PCDHGB2: variants seen among roughly 807,000 people sequenced by gnomAD.
PCDHGB2 encodes the protein protocadherin gamma subfamily B, 2.
Under a neutral mutation model 59.3 loss-of-function variants are expected in PCDHGB2, and 55 were observed. The observed-to-expected ratio is 0.93, with a 90% CI of 0.75 to 1.16. The LOEUF (loss-of-function observed/expected upper bound fraction) is 1.16, where lower values mean the gene tolerates loss of function less well. Ranked by LOEUF, PCDHGB2 falls within the 50% of genes most tolerant of loss-of-function variation. PCDHGB2 has a pLI of 0.00. For missense variants in PCDHGB2, 1,228 were observed against 1,198.5 expected (o/e 1.02, Z -0.36); for synonymous variants, 516 against 512.0 (o/e 1.01, Z -0.11).
At chr5:141,442,053 G>A (rs888378256) in intron 1 of PCDHGB2, 3 of 197,472 alleles carry the variant, frequency 1.5e-5, no homozygotes, top group Non-Finnish European at 3.2e-5. Flanking sequence ...ACTGGTCGCG[G>A]TGCACTGCGG....
intron 1 of PCDHGB2, chr5:141,405,537 A>G (rs2094682119): frequency 3.1e-6 from 2 of 643,630 alleles, no homozygotes; most frequent in Middle Eastern, 4.2e-4. Context: ...CTCCTGCCTC[A>G]GCCTCCCAAG....
chr5:141,375,826 C>T (rs1771941269), intron 1 of PCDHGB2: 2 of 1,614,166 alleles, frequency 1.2e-6, no homozygotes, highest in South Asian at 1.1e-5. Context: ...CGCCCCGCTC[C>T]GCAGAGCCCG....
chr5:141,389,990 C>CTCA (rs1156236363), intron 1 of PCDHGB2: 4 of 1,614,044 alleles, frequency 2.5e-6, no homozygotes, highest in Non-Finnish European at 2.5e-6. Flanking sequence ...TGCTCTTCCT[C>CTCA]GTGGCCATGA....
At chr5:141,370,902 T>A in intron 1 of PCDHGB2, 1 of 1,614,046 alleles carries the variant, frequency 6.2e-7, no homozygotes, top group South Asian at 1.1e-5. Flanking sequence ...GCTGCAGCAG[T>A]ACTACCTCAG....
chr5:141,404,894 G>C (rs772084097), intron 1 of PCDHGB2: 1 of 1,613,878 alleles, frequency 6.2e-7, no homozygotes, highest in South Asian at 1.1e-5. Flanking sequence ...GGCTGTACAG[G>C]ACCATGGCCA....
chr5:141,374,991 C>A, intron 1 of PCDHGB2: 1 of 1,614,036 alleles, frequency 6.2e-7, no homozygotes, highest in Non-Finnish European at 8.5e-7. Flanking sequence ...GAAATTTCAA[C>A]TTCTGCAAAT....
At chr5:141,422,201 G>A in intron 1 of PCDHGB2, 1 of 1,562,386 alleles carries the variant, frequency 6.4e-7, no homozygotes, top group Non-Finnish European at 8.6e-7. Context: ...GGCCAAGATG[G>A]TGGAGGTCTC....
chr5:141,477,219 G>A lies in PCDHGB2; in HGVS notation c.2422-17588G>A. ...CCAGTACCCGAGGATGCCCCTCTGG[G>A]GACTGTCATCGCTTTGCTCAGTGTG... On this transcript the variant is annotated intron_variant, in intron 1 of 3. Coordinates refer to ENST00000522605, the MANE Select transcript of PCDHGB2 (RefSeq NM_018923.3). The surrounding 1 kb of genome is among the most constrained non-coding windows in gnomAD (Gnocchi z 4.9). 1 of 1,614,162 alleles carries A rather than the reference G, an allele frequency of 6.2e-7. No homozygotes were observed. The highest frequency in any genetic ancestry group is 8.5e-7 in the Non-Finnish European group (1 of 1,180,038).
intron 1 of PCDHGB2, among the ~76,000 whole-genome samples, chr5:141,454,195 T>A (rs1295815862): frequency 1.3e-5 from 2 of 152,136 alleles, no homozygotes; most frequent in Admixed American, 1.3e-4. Flanking sequence ...TTAGTGAAGG[T>A]GAATTTATTG....
At chr5:141,381,657 C>A (rs1224064730) in intron 1 of PCDHGB2, among the ~76,000 whole-genome samples, 1 of 152,134 alleles carries the variant, frequency 6.6e-6, no homozygotes, top group Non-Finnish European at 1.5e-5. Context: ...AAATGGGTTG[C>A]TTCTATAGCT....
chr5:141,382,731 A>G (rs1250192091), intron 1 of PCDHGB2: 6 of 554,412 alleles, frequency 1.1e-5, no homozygotes, highest in Non-Finnish European at 1.8e-5. Flanking sequence ...TTTACAGCAC[A>G]GAGAAACGAC....
At chr5:141,413,498 T>G (rs1187570193) in intron 1 of PCDHGB2, 1 of 1,614,026 alleles carries the variant, frequency 6.2e-7, no homozygotes, top group Admixed American at 1.7e-5. Context: ...CGGTGCGTGG[T>G]GAGTTTTAAT....
At chr5:141,478,832 G>A in intron 1 of PCDHGB2, 1 of 1,435,464 alleles carries the variant, frequency 7.0e-7, no homozygotes, top group South Asian at 1.5e-5. Context: ...TCTTGCTAAG[G>A]GATGGTTAAG....
At chr5:141,481,282 T>C (rs2099534931) in intron 1 of PCDHGB2, among the ~76,000 whole-genome samples, 1 of 152,148 alleles carries the variant, frequency 6.6e-6, no homozygotes, top group African/African-American at 2.4e-5. Flanking sequence ...CATAAAATGG[T>C]ATTTCAGTCA....
chr5:141,496,083 C>T (rs1267834920), intron 2 of PCDHGB2, among the ~76,000 whole-genome samples: 8 of 151,904 alleles, frequency 5.3e-5, no homozygotes, highest in Admixed American at 3.3e-4. Flanking sequence ...CAACCCCCCA[C>T]CCACCACCCA....
chr5:141,379,238 A>C (rs1775465373), intron 1 of PCDHGB2: 1 of 152,242 alleles, frequency 6.6e-6, no homozygotes, highest in Non-Finnish European at 1.5e-5. Flanking sequence ...CTGAACCAAT[A>C]TTGTGGTATT....
chr5:141,410,689 C>T, intron 1 of PCDHGB2: 2 of 1,514,926 alleles, frequency 1.3e-6, no homozygotes, highest in Non-Finnish European at 1.8e-6. Flanking sequence ...AGGCATACTA[C>T]TTTATTTTCA....
At chr5:141,420,291 G>A in intron 1 of PCDHGB2, 1 of 1,494,346 alleles carries the variant, frequency 6.7e-7, no homozygotes, top group Non-Finnish European at 9.0e-7. Context: ...ATTTAAAAAT[G>A]TATTTAATCC....
In PCDHGB2 at chr5:141,489,705, C is replaced by G; in HGVS notation, c.2422-5102C>G. The G allele has an allele frequency of 6.2e-7, 1 of 1,614,022 alleles. No homozygotes were observed. The highest frequency in any genetic ancestry group is 1.1e-5 in the South Asian group (1 of 91,074). ...CATCTGGGGCACGATTCCCACTGGA[C>G]AGTGCCCAGGATCCGGATGTGGGCA... On this transcript the variant is annotated intron_variant, in intron 1 of 3. Coordinates refer to ENST00000522605, the MANE Select transcript of PCDHGB2 (RefSeq NM_018923.3). The surrounding 1 kb of genome is among the most constrained non-coding windows in gnomAD (Gnocchi z 4.5).
Sources: allele counts gnomAD v4.1 joint callset (sites outside exome capture counted in the v4.1 genomes callset), GRCh38; gene constraint gnomAD v4.1.1; non-coding constraint Gnocchi (gnomAD v3.1); transcripts MANE v1.5; gene names NCBI Gene and HGNC (gene_info 2026-07-23, HGNC 2026-07-21).